Variants in CPT2 observed in about 807,000 individuals in gnomAD.
CPT2 encodes the protein carnitine O-palmitoyltransferase 2, mitochondrial.
CPT2 carries 37 observed loss-of-function variants against 48.6 expected under a neutral mutation model. The observed-to-expected ratio is 0.76, with a 90% CI of 0.59 to 1.00. The LOEUF (loss-of-function observed/expected upper bound fraction) is 1.00. CPT2 is among the 50% of genes least tolerant of loss of function. The probability of loss-of-function intolerance (pLI) is 0.00; values close to 1 mark genes in which losing one functional copy is unlikely to be tolerated. For synonymous variants in CPT2, 319 were observed against 326.9 expected (o/e 0.98, Z 0.26); for missense variants, 772 against 825.6 (o/e 0.94, Z 0.80).
intron 3 of CPT2, 113 bp downstream of exon 3, chr1:53,202,542 G>A (rs1645360383): frequency 1.2e-6 from 1 of 827,132 alleles, no homozygotes; most frequent in Non-Finnish European, 2.1e-6. Flanking sequence ...ACCAGCAAAT[G>A]AAGTAACGTC....
At chr1:53,211,970 G>A (rs1355351312) in intron 4 of CPT2, among the ~76,000 whole-genome samples, 2 of 151,330 alleles carry the variant, frequency 1.3e-5, no homozygotes, top group East Asian at 3.9e-4. Flanking sequence ...ATGGCTCACT[G>A]CAACCTCAAC....
intron 3 of CPT2, among the ~76,000 whole-genome samples, chr1:53,206,182 C>CAAAA (rs951448638): frequency 1.9e-3 from 113 of 58,918 alleles, no homozygotes; most frequent in Middle Eastern, 0.014. Context: ...GACTCCATTT[C>CAAAA]AAAAAAAAAA....
intron 3 of CPT2, among the ~76,000 whole-genome samples, chr1:53,204,937 T>G (rs1017949952): frequency 3.3e-5 from 5 of 152,200 alleles, no homozygotes; most frequent in Non-Finnish European, 7.3e-5. Flanking sequence ...CAATTAGACC[T>G]CTTTTCTTTA....
chr1:53,197,310 C>G (rs1645329893), intron 1 of CPT2: 1 of 635,306 alleles, frequency 1.6e-6, no homozygotes, highest in Admixed American at 2.5e-5. Flanking sequence ...CAGAACCCCT[C>G]GATGCTATCT....
chr1:53,200,906 C>T lies in CPT2; in HGVS notation c.233+107C>T. The T allele has an allele frequency of 2.3e-6, 2 of 864,886 alleles. 1 individual carries two copies. The highest frequency in any genetic ancestry group is 2.7e-5 in the South Asian group (2 of 74,886). 53.6% of individuals were successfully genotyped at this position (864,886 alleles called of 1,614,324 possible). On this transcript the variant is annotated intron_variant, in intron 2 of 4. Transcript: ENST00000371486. The stretch of plus-strand genomic sequence containing the variant: ...AATGTCTGTGACGTGGCTGGGTCTC[C>T]AGGAACCCAGAACCTAGTTGTACAT...
At chr1:53,197,490 T>C (rs907646921) in intron 1 of CPT2, 2 of 303,590 alleles carry the variant, frequency 6.6e-6, no homozygotes, top group Admixed American at 5.0e-5. Context: ...CTGCCTCACA[T>C]TCCTACCCGG....
At chr1:53,197,381 C>T in intron 1 of CPT2, 1 of 517,374 alleles carries the variant, frequency 1.9e-6, no homozygotes, top group East Asian at 3.6e-5. Flanking sequence ...TTCCAGCCAG[C>T]TATCCTGAGT....
At chr1:53,205,714 C>G (rs1645383370) in intron 3 of CPT2, among the ~76,000 whole-genome samples, 1 of 152,230 alleles carries the variant, frequency 6.6e-6, no homozygotes, top group South Asian at 2.1e-4. Flanking sequence ...CCCTGCTGTT[C>G]TGTGCAGCCT....
chr1:53,208,883 T>C (rs1645403415), intron 3 of CPT2: 1 of 152,196 alleles, frequency 6.6e-6, no homozygotes, highest in Non-Finnish European at 1.5e-5. Flanking sequence ...ACAAGACATG[T>C]AACAAGTGCT....
intron 3 of CPT2, among the ~76,000 whole-genome samples, chr1:53,204,724 G>A (rs1468375873): frequency 2.6e-5 from 4 of 152,114 alleles, no homozygotes; most frequent in East Asian, 3.8e-4. Context: ...GAGGTGATTG[G>A]ATCATGGGGG....
At position 53,210,344 on chromosome 1, in the gene CPT2, A is replaced by G; in HGVS notation, c.670A>G (p.Thr224Ala). Residue 224 changes from threonine (T) to alanine (A), a missense_variant, in exon 4 of 5, where the codon ACT becomes GCT. By Grantham distance (58) the Thr-to-Ala change is moderately conservative. Coordinates refer to ENST00000371486, the MANE Select transcript of CPT2 (RefSeq NM_000098.3). ...MSQYFRLFNS[T>A]RLPKPSRDEL... is the part of the protein sequence containing the mutation. ...CCAGTATTTTCGGCTTTTCAACTCA[A>G]CTCGTTTACCCAAACCCAGTCGGGA... 1.2e-6 allele frequency: 2 copies of G among 1,613,730 alleles called. No homozygotes were observed. Among genetic ancestry groups the G allele is most frequent in the Non-Finnish European group, 1.7e-6 (2 of 1,179,950 alleles).
At chr1:53,197,188 G>C (rs1308522375) in intron 1 of CPT2, 93 bp downstream of exon 1, 1 of 1,463,044 alleles carries the variant, frequency 6.8e-7, no homozygotes, top group Non-Finnish European at 9.2e-7. Context: ...TAGTGAACCC[G>C]TTTCCGCCCC....
chr1:53,211,119 C>G lies in CPT2; in HGVS notation c.1445C>G (p.Thr482Arg). The change falls in exon 4 of 5, where the codon ACA becomes AGA. Residue 482 changes from threonine (T) to arginine (R), a missense_variant. Physicochemically the swap from Thr to Arg is moderately conservative, Grantham distance 71. Coordinates refer to ENST00000371486, the MANE Select transcript of CPT2 (RefSeq NM_000098.3). ...QMAFLRQYGQ[T>R]VATYESCSTA... ...GCCTTCCTGCGGCAGTACGGGCAGA[C>G]AGTGGCCACCTACGAGTCCTGTAGC... The G allele has an allele frequency of 6.2e-7, 1 of 1,614,052 alleles. No individual in the cohort carries two copies. Among genetic ancestry groups the G allele is most frequent in the Non-Finnish European group, 8.5e-7 (1 of 1,179,948 alleles).
chr1:53,196,938 G>C lies in CPT2; in HGVS notation c.-6G>C. 1.3e-6 allele frequency: 2 copies of C among 1,544,988 alleles called. No homozygotes were observed. Among genetic ancestry groups the C allele is most frequent in the Non-Finnish European group, 1.7e-6 (2 of 1,154,446 alleles). The stretch of plus-strand genomic sequence containing the variant: ...CGCGTTCTCGCCGCCGCAGGCTCCC[G>C]GGACGATGGTGCCCCGCCTGCTGCT... On this transcript the variant is annotated 5_prime_UTR_variant, in exon 1 of 5. Transcript: ENST00000371486.
intron 3 of CPT2, chr1:53,208,164 G>A (rs1350840140): frequency 6.6e-6 from 1 of 152,092 alleles, no homozygotes; most frequent in African/African-American, 2.4e-5. Context: ...CACCATTTTA[G>A]TGCATTGCGT....
At chr1:53,212,399 T>C (rs1322415759) in intron 4 of CPT2, among the ~76,000 whole-genome samples, 1 of 151,976 alleles carries the variant, frequency 6.6e-6, no homozygotes, top group Admixed American at 6.5e-5. Context: ...GAGGTCCCAC[T>C]GTATTGCCCA....
At chr1:53,211,600 C>CTT (rs112026378) in intron 4 of CPT2, 663 of 374,138 alleles carry the variant, frequency 1.8e-3, no homozygotes, top group Middle Eastern at 6.1e-3. Context: ...TTTTTTCTTT[C>CTT]TTTTTTTTTT....
Position 53,202,397 on chromosome 1 carries a change from A to T in CPT2, c.308A>T (p.Asp103Val). ...CTGCATGAGCAGCTGGTTGCTCTGG[A>T]CAAACAGAATAAACATACAAGCTAC... The part of the protein sequence containing the change: ...KELHEQLVAL[D>V]KQNKHTSYIS... The change falls in exon 3 of 5, where the codon GAC (aspartate) becomes GTC (valine). Residue 103 changes from aspartate to valine, a missense_variant. Physicochemically the swap from Asp to Val is radical, Grantham distance 152 (BLOSUM62 -3). Coordinates refer to ENST00000371486, the MANE Select transcript of CPT2 (RefSeq NM_000098.3). The T allele has an allele frequency of 1.9e-6, 3 of 1,614,120 alleles. No homozygotes were observed. Among genetic ancestry groups the T allele is most frequent in the Non-Finnish European group, 2.5e-6 (3 of 1,179,958 alleles).
intron 1 of CPT2, among the ~76,000 whole-genome samples, chr1:53,198,053 C>T (rs1208997948): frequency 1.3e-5 from 2 of 152,186 alleles, no homozygotes; most frequent in African/African-American, 2.4e-5. Context: ...TTCCAGCCTT[C>T]GAACTCCGCT....
Sources: allele counts gnomAD v4.1 joint callset (sites outside exome capture counted in the v4.1 genomes callset), GRCh38; gene constraint gnomAD v4.1.1; transcripts MANE v1.5; gene names NCBI Gene and HGNC (gene_info 2026-07-23, HGNC 2026-07-21).